SATB2: variants seen among roughly 807,000 people sequenced by gnomAD.
The protein encoded by SATB2 is DNA-binding protein SATB2.
A neutral mutation model predicts 73.4 loss-of-function variants in SATB2; 1 was observed. The observed-to-expected ratio is 0.01, with a 90% CI of 0.00 to 0.06. The LOEUF (loss-of-function observed/expected upper bound fraction) is 0.06. Ranked by LOEUF, SATB2 falls within the 10% of genes least tolerant of loss-of-function variation. SATB2 has a pLI of 1.00. For synonymous variants in SATB2, 397 were observed against 367.0 expected, an observed-to-expected ratio of 1.08 and a Z score of -0.93; for missense variants, 459 against 945.8, an observed-to-expected ratio of 0.49 and a Z score of 6.75.
At position 199,377,220 on chromosome 2, in the gene SATB2, C is replaced by CA. The variant is rs111811107; in HGVS notation, c.597+3143dup. 7.6e-4 allele frequency among the ~76,000 whole-genome samples: 113 copies of CA among 148,180 alleles called. No individual in the cohort carries two copies. In the East Asian group the frequency reaches 7.7e-3, roughly 10 times the overall value. ...TGAAATCACGTCTCTACTAAAAATA[C>CA]AAAAAAAAAATACCCAGGCGTGGTG... is the stretch of plus-strand genomic sequence containing the variant. On this transcript the variant is annotated intron_variant, in intron 5 of 10. Transcript: ENST00000417098.
chr2:199,385,191 C>T (rs1689893530), intron 3 of SATB2, among the ~76,000 whole-genome samples: 1 of 152,058 alleles, frequency 6.6e-6, no homozygotes, highest in Non-Finnish European at 1.5e-5. Context: ...CTGAAGTGTA[C>T]TGGTGAGATC....
At chr2:199,317,057 G>A (rs1687755800) in intron 9 of SATB2, among the ~76,000 whole-genome samples, 1 of 152,012 alleles carries the variant, frequency 6.6e-6, no homozygotes, top group South Asian at 2.1e-4. Flanking sequence ...TGGCAGGGGT[G>A]GGGCGGTATG....
chr2:199,328,993 T>C (rs1259638023), intron 7 of SATB2, 83 bp from the exon 8 acceptor site: 4 of 1,041,980 alleles, frequency 3.8e-6, no homozygotes. Context: ...CCTCTCCTCC[T>C]TTGTTTGGTT....
At chr2:199,369,898 C>A (rs1449458508) in intron 5 of SATB2, among the ~76,000 whole-genome samples, 2 of 152,102 alleles carry the variant, frequency 1.3e-5, no homozygotes, top group Non-Finnish European at 2.9e-5. Flanking sequence ...TTCACAGAAA[C>A]CTCTTTCGCA....
chr2:199,407,009 C>G (rs772510438), intron 3 of SATB2, among the ~76,000 whole-genome samples: 1 of 151,998 alleles, frequency 6.6e-6, no homozygotes, highest in Non-Finnish European at 1.5e-5. Flanking sequence ...GGGTTCTTAT[C>G]TTATTTTACA....
chr2:199,375,140 A>G (rs1223253236), intron 5 of SATB2, among the ~76,000 whole-genome samples: 1 of 152,192 alleles, frequency 6.6e-6, no homozygotes, highest in South Asian at 2.1e-4. Context: ...AGCCGACCTT[A>G]GGTATTTCAA....
At chr2:199,468,457 C>T (rs542368266), upstream of SATB2, among the ~76,000 whole-genome samples, 5 of 152,326 alleles carry the variant, frequency 3.3e-5, no homozygotes, top group Middle Eastern at 3.4e-3. Context: ...GCAGGGCCTT[C>T]GCTTTGGGCC....
chr2:199,421,273 C>T (rs938399453), intron 3 of SATB2, among the ~76,000 whole-genome samples: 2 of 152,164 alleles, frequency 1.3e-5, no homozygotes, highest in African/African-American at 4.8e-5. Context: ...AGAAGGGAGA[C>T]AGAGAGATGC....
intron 10 of SATB2, among the ~76,000 whole-genome samples, chr2:199,296,876 G>A (rs1338062549): frequency 2.0e-5 from 3 of 152,138 alleles, no homozygotes; most frequent in Non-Finnish European, 4.4e-5. Flanking sequence ...ACTAGAAATA[G>A]AGAGTAATAT....
At chr2:199,344,025 C>T (rs1688580365) in intron 7 of SATB2, among the ~76,000 whole-genome samples, 1 of 152,184 alleles carries the variant, frequency 6.6e-6, no homozygotes, top group Non-Finnish European at 1.5e-5. Flanking sequence ...TACACTCTCG[C>T]CAATATGGTC....
chr2:199,345,700 C>T (rs573919325), intron 7 of SATB2, among the ~76,000 whole-genome samples: 2 of 152,154 alleles, frequency 1.3e-5, no homozygotes, highest in Non-Finnish European at 1.5e-5. Flanking sequence ...TCCCCAGCAG[C>T]CTAGTTCAAA....
chr2:199,307,081 T>C (rs1687453317), intron 10 of SATB2, among the ~76,000 whole-genome samples: 1 of 151,910 alleles, frequency 6.6e-6, no homozygotes, highest in Non-Finnish European at 1.5e-5. Context: ...AGAAGTCTAA[T>C]CCAGTTCACA....
chr2:199,415,122 A>T (rs1356850417), intron 3 of SATB2, among the ~76,000 whole-genome samples: 2 of 152,260 alleles, frequency 1.3e-5, no homozygotes, highest in African/African-American at 4.8e-5. Context: ...CACCACAATT[A>T]TGTGCGTATT....
intron 3 of SATB2, among the ~76,000 whole-genome samples, chr2:199,421,259 A>G (rs1328922855): frequency 6.6e-6 from 1 of 152,196 alleles, no homozygotes; most frequent in Non-Finnish European, 1.5e-5. Context: ...GAATTATACA[A>G]TACAGAAGGG....
chr2:199,385,051 C>G (rs529762818), intron 3 of SATB2, among the ~76,000 whole-genome samples: 5 of 152,296 alleles, frequency 3.3e-5, no homozygotes, highest in African/African-American at 1.2e-4. Flanking sequence ...ACCACTTCCC[C>G]ATTCATTTCT....
At chr2:199,322,312 T>G (rs1404410539) in intron 9 of SATB2, among the ~76,000 whole-genome samples, 1 of 152,204 alleles carries the variant, frequency 6.6e-6, no homozygotes, top group Non-Finnish European at 1.5e-5. Flanking sequence ...ATGTCCTTTA[T>G]TACACAGTGG....
chr2:199,415,108 T>A (rs1297684267), intron 3 of SATB2, among the ~76,000 whole-genome samples: 1 of 152,174 alleles, frequency 6.6e-6, no homozygotes, highest in Admixed American at 6.6e-5. Context: ...AACATAAGAA[T>A]GAGCACCACA....
intron 6 of SATB2, among the ~76,000 whole-genome samples, chr2:199,366,884 G>A (rs1447308831): frequency 6.9e-6 from 1 of 144,050 alleles, no homozygotes; most frequent in East Asian, 2.0e-4. Flanking sequence ...TAGAAGATAT[G>A]AGTGTTAATG....
intron 10 of SATB2, among the ~76,000 whole-genome samples, chr2:199,294,062 C>T (rs1304506476): frequency 6.6e-6 from 1 of 152,124 alleles, no homozygotes; most frequent in African/African-American, 2.4e-5. Context: ...TTATAAGTAA[C>T]TCTGCATTTC....
Sources: gnomAD v4.1 joint callset for allele counts (sites outside exome capture counted in the v4.1 genomes callset) on GRCh38, gnomAD v4.1.1 for gene constraint, MANE v1.5 for transcripts, NCBI Gene and HGNC (gene_info 2026-07-23, HGNC 2026-07-21) for gene names.